PCDHA1: variants seen among roughly 807,000 people sequenced by gnomAD.
PCDHA1 encodes protocadherin alpha-1.
In PCDHA1, 42 loss-of-function variants were observed where a neutral mutation model predicts 61.3. The observed-to-expected ratio is 0.69, with a 90% confidence interval of 0.54 to 0.89. PCDHA1 has a LOEUF of 0.89. Ranked by LOEUF, PCDHA1 falls within the 40% of genes least tolerant of loss-of-function variation. PCDHA1 has a pLI of 0.00. For synonymous variants in PCDHA1, 610 were observed against 553.8 expected (o/e 1.10, Z -1.43); for missense variants, 1,256 against 1,235.3 (o/e 1.02, Z -0.25).
Position 140,838,077 on chromosome 5 carries a change from AGTGTGTGTGTGTGTG to A in PCDHA1, c.2394+49394_2394+49408del, listed in dbSNP as rs1775482926. Among the ~76,000 whole-genome samples, 4 of 80,664 alleles carry A rather than the reference AGTGTGTGTGTGTGTG, an allele frequency of 5.0e-5. 1 individual carries two copies. Among genetic ancestry groups the A allele is most frequent in the African/African-American group, 2.5e-4 (4 of 16,244 alleles). The allele number at this position is 80,664 out of a possible 152,430, so 52.9% of individuals were successfully genotyped here. On this transcript the variant is annotated intron_variant, in intron 1 of 3. Transcript: ENST00000504120. ...TTTCCACTTTAAGTTATATATATATAGTGTGTGTGTGTGTGTGTGTGTGTGTGTGTGTGTGTGTGT... is the reference window on the plus strand; with the variant it reads ...TTTCCACTTTAAGTTATATATATATATGTGTGTGTGTGTGTGTGTGTGTGT...
chr5:140,891,040 C>A (rs2062916193), intron 1 of PCDHA1, among the ~76,000 whole-genome samples: 1 of 145,080 alleles, frequency 6.9e-6, no homozygotes, highest in Admixed American at 6.6e-5. Context: ...TTAGGTGTGA[C>A]CCCCACAGCA....
Position 140,828,616 on chromosome 5 carries a change from C to A in PCDHA1, c.2394+39932C>A, listed in dbSNP as rs2150157391. 16 of 1,614,024 alleles carry A rather than the reference C, an allele frequency of 9.9e-6. No homozygotes were observed. The African/African-American group carries it at 1.3e-4, about 13-fold the overall frequency. ...TCTTAACCTATAAACTCAGTTCTAG[C>A]GAATACTTCGGGCTAGATGTGAAAA... is the stretch of plus-strand genomic sequence containing the variant. On this transcript the variant is annotated intron_variant, in intron 1 of 3. Transcript: ENST00000504120.
Position 140,885,836 on chromosome 5 carries a change from C to T in PCDHA1, c.2395-93113C>T, listed in dbSNP as rs186775413. On this transcript the variant is annotated intron_variant, in intron 1 of 3. Transcript: ENST00000504120. ...TGTATTTGATCTTCTTTGATTTATC[C>T]ATTAAGTTATTTGCCTACTTTTCTA... Among the ~76,000 whole-genome samples the T allele has an allele frequency of 3.1e-3, 470 of 152,032 alleles. 3 individuals are homozygous for T. Among genetic ancestry groups the T allele is most frequent in the Middle Eastern group, 0.014 (4 of 294 alleles).
intron 1 of PCDHA1, among the ~76,000 whole-genome samples, chr5:140,953,733 TG>T (rs1449457533): frequency 2.6e-5 from 4 of 152,200 alleles, no homozygotes; most frequent in Admixed American, 6.5e-5. Context: ...TTGAAATTTT[TG>T]CTTAACATTA....
chr5:140,955,914 G>A (rs1293205418), intron 1 of PCDHA1, among the ~76,000 whole-genome samples: 1 of 152,140 alleles, frequency 6.6e-6, no homozygotes, highest in East Asian at 1.9e-4. Context: ...TAGCAATTGT[G>A]AATGGGAGTT....
At chr5:141,007,379 C>T (rs1178671835) in intron 3 of PCDHA1, among the ~76,000 whole-genome samples, 1 of 139,926 alleles carries the variant, frequency 7.1e-6, no homozygotes, top group Non-Finnish European at 1.5e-5. Context: ...GATGGAACAC[C>T]ATCTCTACTA....
chr5:140,927,740 G>A (rs782665573), intron 1 of PCDHA1: 5 of 1,614,206 alleles, frequency 3.1e-6, no homozygotes, highest in Middle Eastern at 1.6e-4. Context: ...CTGCGACACC[G>A]CTTTCACGTG....
In PCDHA1 at chr5:140,883,707, A is replaced by G. The variant is rs565073045; in HGVS notation, c.2394+95023A>G. 6 of 1,613,636 alleles carry G rather than the reference A, an allele frequency of 3.7e-6. No individual in the cohort carries two copies. Among genetic ancestry groups the G allele is most frequent in the East Asian group, 4.5e-5 (2 of 44,860 alleles). On this transcript the variant is annotated intron_variant, in intron 1 of 3. Transcript: ENST00000504120. ...TGCCACATCTTCACGGTGTCTGCTC[A>G]GGACGCGGACGCACAGGAGAACGCG...
At position 140,786,830 on chromosome 5, in the gene PCDHA1, G is replaced by T. The variant is rs782118399; in HGVS notation, c.540G>T (p.Leu180Phe). The change falls in exon 1 of 4, where the codon TTG (leucine) becomes TTT (phenylalanine). Residue 180 changes from leucine (L) to phenylalanine (F), a missense_variant. By Grantham distance (22) the Leu-to-Phe change is conservative. Coordinates refer to ENST00000504120, the MANE Select transcript of PCDHA1 (RefSeq NM_018900.4). ...TCAGCCCGAGTGATTATTTCTCTTT[G>T]GATGTAGAGGCAAGTGATGAACTGA... ...YTLSPSDYFS[L>F]DVEASDELSK... 64 of 1,614,012 alleles carry T rather than the reference G, an allele frequency of 4.0e-5. No individual in the cohort carries two copies. Among genetic ancestry groups the T allele is most frequent in the Non-Finnish European group, 5.2e-5 (61 of 1,180,040 alleles).
At chr5:140,947,780 A>G (rs2094176112) in intron 1 of PCDHA1, among the ~76,000 whole-genome samples, 1 of 151,588 alleles carries the variant, frequency 6.6e-6, no homozygotes, top group Non-Finnish European at 1.5e-5. Flanking sequence ...TTGTAAATGG[A>G]TTTTAAACAG....
rs2150361079 is a variant in PCDHA1, at chr5:140,843,485, C to G, written c.2394+54801C>G. On this transcript the variant is annotated intron_variant, in intron 1 of 3. Transcript: ENST00000504120. The stretch of plus-strand genomic sequence containing the variant: ...CACGCTGCTGCTGTACACTGCGCTG[C>G]GGTGCTCAGCACTGCCCACTGAGGG... The G allele has an allele frequency of 5.6e-6, 9 of 1,595,872 alleles. No homozygotes were observed. The African/African-American group carries it at 1.1e-4, about 19-fold the overall frequency.
rs2150115372 is a variant in PCDHA1, at chr5:140,822,309, C to G, written c.2394+33625C>G. 2.5e-6 allele frequency: 4 copies of G among 1,614,044 alleles called. No individual in the cohort carries two copies. The African/African-American group carries it at 5.3e-5, about 22-fold the overall frequency. On this transcript the variant is annotated intron_variant, in intron 1 of 3. Transcript: ENST00000504120. ...GGTTAAATCCAAACGAATATTTTGA[C>G]TTAGATGTTAAAACAAATGAAGAAG...
chr5:140,786,369 G>A lies in PCDHA1; in HGVS notation c.79G>A (p.Gly27Arg). ...TCTGCTCCTCGCAGCCTGGGAGGTG[G>A]GGAGCGGCCAGCTCCACTACTCGAT... ...WLLLLAAWEV[G>R]SGQLHYSIPE... The change falls in exon 1 of 4, where the codon GGG becomes AGG. Residue 27 changes from glycine (G) to arginine (R), a missense_variant. Gly to Arg is a moderately radical substitution (Grantham distance 125, BLOSUM62 -2). Coordinates refer to ENST00000504120, the MANE Select transcript of PCDHA1 (RefSeq NM_018900.4). The A allele has an allele frequency of 6.2e-7, 1 of 1,613,890 alleles. No individual in the cohort carries two copies. Among genetic ancestry groups the A allele is most frequent in the Non-Finnish European group, 8.5e-7 (1 of 1,180,036 alleles).
chr5:140,808,887 C>G (rs782248203), intron 1 of PCDHA1: 2 of 1,613,290 alleles, frequency 1.2e-6, no homozygotes, highest in Non-Finnish European at 1.7e-6. Context: ...GCACTGCTAG[C>G]GCCTCGGGCG....
chr5:140,831,360 GTA>G (rs1292764909), intron 1 of PCDHA1: 3 of 103,666 alleles, frequency 2.9e-5, no homozygotes, highest in African/African-American at 1.2e-4. Flanking sequence ...TCACTATTTT[GTA>G]TGTGTGTGTG....
intron 1 of PCDHA1, chr5:140,966,752 C>T (rs1013247328): frequency 3.5e-6 from 5 of 1,432,026 alleles, no homozygotes; most frequent in Non-Finnish European, 4.6e-6. Flanking sequence ...GCTGCCTCCG[C>T]CGCGGCCAGT....
intron 1 of PCDHA1, among the ~76,000 whole-genome samples, chr5:140,918,360 G>A (rs1243919537): frequency 1.3e-5 from 2 of 152,082 alleles, no homozygotes; most frequent in African/African-American, 4.8e-5. Flanking sequence ...CTTCCTCTCT[G>A]CCTATTTGGA....
chr5:140,824,312 C>A, intron 1 of PCDHA1: 2 of 756,370 alleles, frequency 2.6e-6, no homozygotes, highest in South Asian at 1.8e-5. Flanking sequence ...GTAATAGATT[C>A]ATCAGCTTTC....
intron 1 of PCDHA1, among the ~76,000 whole-genome samples, chr5:140,914,884 CCTG>C (rs2153531970): frequency 6.6e-6 from 1 of 151,782 alleles, no homozygotes; most frequent in East Asian, 1.9e-4. Flanking sequence ...ACTGTATCCT[CCTG>C]CTTTTAACTT....
Sources: allele counts gnomAD v4.1 joint callset (sites outside exome capture counted in the v4.1 genomes callset), GRCh38; gene constraint gnomAD v4.1.1; transcripts MANE v1.5; gene names NCBI Gene and HGNC (gene_info 2026-07-23, HGNC 2026-07-21).